The following NXPE2 variants were observed in gnomAD, a reference collection of about 807,000 sequenced individuals.
The protein encoded by NXPE2 is neurexophilin and PC-esterase domain family member 2.
NXPE2 carries 34 observed loss-of-function variants against 34.4 expected under a neutral mutation model. The observed-to-expected ratio is 0.99, with a 90% CI of 0.75 to 1.31. The LOEUF is 1.31. NXPE2 is among the 40% of genes most tolerant of loss of function. The pLI is 0.00. For synonymous variants in NXPE2, 235 were observed against 231.3 expected, an observed-to-expected ratio of 1.02 and a Z score of -0.15; for missense variants, 649 against 672.5, an observed-to-expected ratio of 0.97 and a Z score of 0.39.
the NXPE2 span, among the ~76,000 whole-genome samples, chr11:114,632,800 A>AT: frequency 4.4e-5 from 1 of 22,930 alleles, no homozygotes; most frequent in Admixed American, 9.0e-4. Flanking sequence ...ATAATTATAT[A>AT]TAATTATATA....
the NXPE2 span, among the ~76,000 whole-genome samples, chr11:114,632,142 T>G: frequency 7.0e-6 from 1 of 143,462 alleles, no homozygotes; most frequent in Non-Finnish European, 1.5e-5. Context: ...ATATTATAAT[T>G]TATTATGTTA....
chr11:114,484,870 T>C, the NXPE2 span, among the ~76,000 whole-genome samples: 1 of 152,216 alleles, frequency 6.6e-6, no homozygotes, highest in East Asian at 1.9e-4. Context: ...CATAATTCCA[T>C]CTCCAAGACA....
At chr11:114,467,571 C>T in the NXPE2 span, among the ~76,000 whole-genome samples, 1 of 152,076 alleles carries the variant, frequency 6.6e-6, no homozygotes, top group Admixed American at 6.6e-5. Context: ...GTACTAGGGA[C>T]CGTCTACTTA....
the NXPE2 span, among the ~76,000 whole-genome samples, chr11:114,593,698 G>A: frequency 6.6e-6 from 1 of 152,164 alleles, no homozygotes; most frequent in Non-Finnish European, 1.5e-5. Context: ...AAGGAAATCA[G>A]TATATCCAAG....
the NXPE2 span, chr11:114,530,974 G>A: frequency 2.1e-6 from 3 of 1,422,906 alleles, no homozygotes; most frequent in Non-Finnish European, 2.8e-6. Context: ...CTTATTATGA[G>A]TTTGAATATT....
the NXPE2 span, among the ~76,000 whole-genome samples, chr11:114,497,881 T>G: frequency 1.3e-5 from 2 of 152,206 alleles, no homozygotes; most frequent in African/African-American, 4.8e-5. Context: ...ATTGGTATCT[T>G]CATTTAAATT....
chr11:114,665,956 G>A, the NXPE2 span, among the ~76,000 whole-genome samples: 1 of 152,120 alleles, frequency 6.6e-6, no homozygotes, highest in African/African-American at 2.4e-5. Flanking sequence ...TACAAGTGAG[G>A]AGACTGAGGT....
chr11:114,580,286 G>T, the NXPE2 span: 1 of 1,614,072 alleles, frequency 6.2e-7, no homozygotes, highest in Non-Finnish European at 8.5e-7. Flanking sequence ...GCCCACTGGG[G>T]ATTGTGGATG....
chr11:114,775,839 A>C, the NXPE2 span, among the ~76,000 whole-genome samples: 1 of 150,974 alleles, frequency 6.6e-6, no homozygotes. Flanking sequence ...AAGAGGTAAA[A>C]CTCCAGCAGC....
chr11:114,576,431 A>C, the NXPE2 span, among the ~76,000 whole-genome samples: 1 of 152,172 alleles, frequency 6.6e-6, no homozygotes, highest in Non-Finnish European at 1.5e-5. Flanking sequence ...GAGTGGGAGA[A>C]AACCTTCACA....
At chr11:114,800,046 C>A in the NXPE2 span, among the ~76,000 whole-genome samples, 1 of 152,118 alleles carries the variant, frequency 6.6e-6, no homozygotes, top group African/African-American at 2.4e-5. Flanking sequence ...CTGTGACTTC[C>A]GGCTATTTGG....
intron 3 of NXPE2, 123 bp from the exon 4 acceptor site, chr11:114,703,867 TA>T (rs1190747226): frequency 4.2e-6 from 3 of 710,834 alleles, no homozygotes; most frequent in Non-Finnish European, 4.8e-6. Context: ...CAGGATATCT[TA>T]AATATATCAA....
chr11:114,692,419 C>G (rs1951170579), intron 2 of NXPE2, among the ~76,000 whole-genome samples: 1 of 152,148 alleles, frequency 6.6e-6, no homozygotes, highest in Non-Finnish European at 1.5e-5. Flanking sequence ...CTACAGATCC[C>G]CAGTATCTAG....
At chr11:114,764,465 C>T in the NXPE2 span, among the ~76,000 whole-genome samples, 53 of 151,132 alleles carry the variant, frequency 3.5e-4, no homozygotes, top group African/African-American at 1.2e-3. Flanking sequence ...TCTGTGTGTG[C>T]GCCTCTACAT....
the NXPE2 span, among the ~76,000 whole-genome samples, chr11:114,669,340 G>A: frequency 0.013 from 1,959 of 152,088 alleles, 21 homozygotes; most frequent in Non-Finnish European, 0.02. Context: ...CTCTTTCCAA[G>A]CCCACAAGTT....
chr11:114,677,360 T>C (rs1262486913), upstream of NXPE2, among the ~76,000 whole-genome samples: 2 of 152,128 alleles, frequency 1.3e-5, no homozygotes, highest in African/African-American at 4.8e-5. Context: ...AATGTCTGCA[T>C]ACATCAAAAC....
the NXPE2 span, among the ~76,000 whole-genome samples, chr11:114,757,388 A>G: frequency 2.0e-5 from 3 of 149,348 alleles, no homozygotes; most frequent in Non-Finnish European, 3.0e-5. Flanking sequence ...GGTTTTGGTG[A>G]GAGGAGCAAA....
At chr11:114,646,262 A>G in the NXPE2 span, among the ~76,000 whole-genome samples, 2 of 151,884 alleles carry the variant, frequency 1.3e-5, no homozygotes, top group African/African-American at 4.8e-5. Flanking sequence ...TGAGGGCTCT[A>G]TTCTACTTCT....
chr11:114,722,659 T>C, the NXPE2 span, among the ~76,000 whole-genome samples: 4 of 152,176 alleles, frequency 2.6e-5, no homozygotes, highest in African/African-American at 9.6e-5. Context: ...CCTGAAAGAA[T>C]GCACAGACTC....
Sources: gnomAD v4.1 joint callset for allele counts (sites outside exome capture counted in the v4.1 genomes callset) on GRCh38, gnomAD v4.1.1 for gene constraint, MANE v1.5 for transcripts, NCBI Gene and HGNC (gene_info 2026-07-23, HGNC 2026-07-21) for gene names.